The following ZNF831 variants were observed in gnomAD, a reference collection of about 807,000 sequenced individuals.
ZNF831 encodes the protein chromosome 20 open reading frame 174.
ZNF831 carries 59 observed loss-of-function variants against 95.8 expected under a neutral mutation model. That is an observed-to-expected ratio of 0.62 (90% CI 0.50 to 0.77). ZNF831 has a LOEUF of 0.77. ZNF831 is among the 30% of genes least tolerant of loss of function. ZNF831 has a pLI of 0.00. For missense variants in ZNF831, 2,205 were observed against 2,164.0 expected (o/e 1.02, Z -0.38); for synonymous variants, 961 against 925.5 (o/e 1.04, Z -0.70).
chr20:59,185,745 A>G (rs1982974335), intron 1 of ZNF831, among the ~76,000 whole-genome samples: 1 of 152,066 alleles, frequency 6.6e-6, no homozygotes, highest in African/African-American at 2.4e-5. Context: ...AGGAATTGCC[A>G]CTGAGGCAGG....
chr20:59,230,483 AAAATAAATAAAT>A (rs61012313), intron 4 of ZNF831, among the ~76,000 whole-genome samples: 26 of 151,936 alleles, frequency 1.7e-4, no homozygotes, highest in African/African-American at 6.3e-4. Flanking sequence ...CTGTCTCACA[AAAATAAATAAAT>A]AAATAAATAA....
chr20:59,162,364 T>A (rs1243633690), upstream of ZNF831, among the ~76,000 whole-genome samples: 2 of 152,216 alleles, frequency 1.3e-5, no homozygotes, highest in African/African-American at 4.8e-5. Flanking sequence ...CTTGGTTTTC[T>A]TGTAGGATTT....
chr20:59,156,177 C>A (rs957603423), intron 2 of ZNF831, among the ~76,000 whole-genome samples: 1 of 152,160 alleles, frequency 6.6e-6, no homozygotes, highest in Non-Finnish European at 1.5e-5. Flanking sequence ...AGTTTCCTCT[C>A]GCCTCCTTTA....
intron 2 of ZNF831, among the ~76,000 whole-genome samples, chr20:59,154,370 C>T (rs1056433606): frequency 6.6e-6 from 1 of 152,138 alleles, no homozygotes; most frequent in Admixed American, 6.5e-5. Flanking sequence ...GGTGCGGTCC[C>T]AGAGCAGTGA....
At chr20:59,156,704 C>T (rs1056616833) in intron 2 of ZNF831, among the ~76,000 whole-genome samples, 5 of 152,134 alleles carry the variant, frequency 3.3e-5, no homozygotes, top group African/African-American at 1.2e-4. Flanking sequence ...CACCGCTGGA[C>T]TCTCCGCTTC....
chr20:59,214,126 A>G (rs576686631), intron 4 of ZNF831, among the ~76,000 whole-genome samples: 254 of 152,362 alleles, frequency 1.7e-3, no homozygotes, highest in African/African-American at 5.8e-3. Context: ...GAAAGAAAAA[A>G]GGCCATCCAT....
intron 4 of ZNF831, among the ~76,000 whole-genome samples, chr20:59,251,688 G>A (rs985376455): frequency 1.3e-5 from 2 of 152,182 alleles, no homozygotes; most frequent in Admixed American, 6.5e-5. Flanking sequence ...GAGCAAATCA[G>A]AAAGTTTCAA....
chr20:59,255,001 C>G lies in ZNF831; in HGVS notation c.*258C>G. 1 of 407,432 alleles carries G rather than the reference C, an allele frequency of 2.5e-6. No homozygotes were observed. The highest frequency in any genetic ancestry group is 4.5e-5 in the East Asian group (1 of 22,174). 25.2% of individuals were successfully genotyped at this position (407,432 alleles called of 1,614,324 possible). A position where few individuals can be genotyped will look rare whatever the true frequency, so the allele number is the denominator to read the frequency against. ...GGCAGACATGGCAAGGAAGCAAACT[C>G]TGCAAATGGTCAACGTGCACAGTGA... On this transcript the variant is annotated 3_prime_UTR_variant, in exon 6 of 6. Transcript: ENST00000371030.
chr20:59,234,947 C>T (rs1188548068), intron 4 of ZNF831, among the ~76,000 whole-genome samples: 1 of 152,054 alleles, frequency 6.6e-6, no homozygotes, highest in Non-Finnish European at 1.5e-5. Flanking sequence ...CTAAATTCAC[C>T]GTTTGTTGAG....
chr20:59,196,005 G>T lies in ZNF831; in HGVS notation c.3875G>T (p.Arg1292Met), dbSNP rs1227011834. The change falls in exon 3 of 6, where the codon AGG (arginine) becomes ATG (methionine). Residue 1292 changes from arginine to methionine, a missense_variant and splice_region_variant. Transcript: ENST00000371030. Reference sequence around the variant, plus strand: ...AGAAAACTGAAGATCAACCCTAAAAGGTAGGATGAGTGGCCACCTCTGTCA... The same window carrying T: ...AGAAAACTGAAGATCAACCCTAAAATGTAGGATGAGTGGCCACCTCTGTCA... ...KQRKLKINPK[R>M]YKGNFLQSCV... The T allele has an allele frequency of 2.5e-6, 4 of 1,613,184 alleles. No individual in the cohort carries two copies. The highest frequency in any genetic ancestry group is 3.4e-6 in the Non-Finnish European group (4 of 1,179,598).
In ZNF831 at chr20:59,208,639, C is replaced by T. The variant is rs1401224450; in HGVS notation, c.4027+1583C>T. Reference sequence around the variant, plus strand: ...TCCAGAGGCATGGGAACTCCAAGTACGAAGTGAGCCTCGGGGGTCATGGTA... The same window carrying T: ...TCCAGAGGCATGGGAACTCCAAGTATGAAGTGAGCCTCGGGGGTCATGGTA... On this transcript the variant is annotated intron_variant, in intron 4 of 5. Coordinates refer to ENST00000371030, the MANE Select transcript of ZNF831 (RefSeq NM_178457.3). This position sits in a 1 kb window ranked among gnomAD's most constrained non-coding sequence, Gnocchi z 4.2. 3.3e-5 allele frequency among the ~76,000 whole-genome samples: 5 copies of T among 152,192 alleles called. No individual in the cohort carries two copies. The highest frequency in any genetic ancestry group is 9.7e-5 in the African/African-American group (4 of 41,446).
intron 1 of ZNF831, among the ~76,000 whole-genome samples, chr20:59,172,927 T>G (rs1460856106): frequency 1.3e-5 from 2 of 152,232 alleles, no homozygotes; most frequent in African/African-American, 4.8e-5. Flanking sequence ...TGGGTCATAG[T>G]GAGCACCTGT....
At chr20:59,200,819 C>T (rs1984476250) in intron 3 of ZNF831, among the ~76,000 whole-genome samples, 1 of 151,820 alleles carries the variant, frequency 6.6e-6, no homozygotes, top group Non-Finnish European at 1.5e-5. Context: ...AGAACACATT[C>T]CTTCTTATTG....
intron 4 of ZNF831, among the ~76,000 whole-genome samples, chr20:59,219,072 G>T (rs1985900796): frequency 1.3e-5 from 2 of 152,054 alleles, no homozygotes; most frequent in African/African-American, 4.8e-5. Context: ...AAAGAAGTGG[G>T]GGTCAGGCAA....
chr20:59,145,653 G>T (rs1008397136), intron 1 of ZNF831, among the ~76,000 whole-genome samples: 1 of 152,200 alleles, frequency 6.6e-6, no homozygotes, highest in Non-Finnish European at 1.5e-5. Context: ...AAGAATGTCA[G>T]ATATGGAAGC....
chr20:59,210,250 G>A (rs1985200256), intron 4 of ZNF831, among the ~76,000 whole-genome samples: 1 of 152,216 alleles, frequency 6.6e-6, no homozygotes, highest in African/African-American at 2.4e-5. Context: ...GCCACTGCCA[G>A]CAGGACATGC....
At chr20:59,237,894 G>T (rs1987091984) in intron 4 of ZNF831, among the ~76,000 whole-genome samples, 1 of 152,142 alleles carries the variant, frequency 6.6e-6, no homozygotes, top group Non-Finnish European at 1.5e-5. Context: ...CCCCTGCCCT[G>T]CTTCCTCTTC....
chr20:59,172,621 G>A (rs2146497871), intron 1 of ZNF831, among the ~76,000 whole-genome samples: 1 of 152,248 alleles, frequency 6.6e-6, no homozygotes, highest in South Asian at 2.1e-4. Flanking sequence ...TCTGTGTCAT[G>A]CCAGGGAAGC....
chr20:59,172,344 G>T (rs948219466), intron 1 of ZNF831, among the ~76,000 whole-genome samples: 19 of 152,144 alleles, frequency 1.2e-4, no homozygotes, highest in Non-Finnish European at 2.8e-4. Flanking sequence ...TTGGTCCTCT[G>T]CTATTCTGGG....
Sources: gnomAD v4.1 joint callset for allele counts (sites outside exome capture counted in the v4.1 genomes callset) on GRCh38, gnomAD v4.1.1 for gene constraint, Gnocchi (gnomAD v3.1) non-coding constraint, MANE v1.5 for transcripts, NCBI Gene and HGNC (gene_info 2026-07-23, HGNC 2026-07-21) for gene names.